Variants in TENM2 observed in about 807,000 individuals in gnomAD.
TENM2 encodes teneurin transmembrane protein 2.
Under a neutral mutation model 245.2 loss-of-function variants are expected in TENM2, and 52 were observed. That is an observed-to-expected ratio of 0.21 (90% CI 0.17 to 0.27). TENM2 has a LOEUF of 0.27. Among genes scored for constraint, TENM2 ranks in the 10% least tolerant of loss-of-function variants. The probability of loss-of-function intolerance (pLI) is 1.00; values close to 1 mark genes in which losing one functional copy is unlikely to be tolerated. For synonymous variants in TENM2, 1,363 were observed against 1,438.9 expected (o/e 0.95, Z 1.19); for missense variants, 3,046 against 3,666.8 (o/e 0.83, Z 4.37).
At chr5:167,233,278 A>G in the TENM2 span, among the ~76,000 whole-genome samples, 3 of 152,194 alleles carry the variant, frequency 2.0e-5, no homozygotes, top group Non-Finnish European at 4.4e-5. Context: ...ATGTACTCAA[A>G]CTTTCTTTTA....
chr5:168,242,747 GTTCGAGACC>G (rs1766210247), intron 25 of TENM2, among the ~76,000 whole-genome samples: 1 of 152,200 alleles, frequency 6.6e-6, no homozygotes, highest in Non-Finnish European at 1.5e-5. Context: ...GAGGTCAGGA[GTTCGAGACC>G]AGCCTGGCCA....
chr5:167,865,829 C>A (rs1480338917), intron 2 of TENM2, among the ~76,000 whole-genome samples: 2 of 152,208 alleles, frequency 1.3e-5, no homozygotes, highest in Non-Finnish European at 2.9e-5. Flanking sequence ...TACTTACACA[C>A]TGAGAGAGAC....
Position 167,285,072 on chromosome 5 carries a change from G to A in TENM2, c.226+9G>A, listed in dbSNP as rs1771257492. 1 of 1,543,564 alleles carries A rather than the reference G, an allele frequency of 6.5e-7. No homozygotes were observed. Among genetic ancestry groups the A allele is most frequent in the Admixed American group, 2.0e-5 (1 of 50,974 alleles). On this transcript the variant is annotated intron_variant, in intron 1 of 28. Coordinates refer to ENST00000518659, the Ensembl canonical transcript of TENM2. ...TGAGTTTCCTAGACAAGGTTTGTAGGGTTTCCCCTGCTGATTTGCTCTCAA... is the reference window on the plus strand; with the variant it reads ...TGAGTTTCCTAGACAAGGTTTGTAGAGTTTCCCCTGCTGATTTGCTCTCAA...
chr5:167,742,872 G>A (rs1367601677), intron 2 of TENM2, among the ~76,000 whole-genome samples: 1 of 151,972 alleles, frequency 6.6e-6, no homozygotes, highest in Non-Finnish European at 1.5e-5. Flanking sequence ...GGAGGCTAAG[G>A]CAGAAGCACA....
intron 4 of TENM2, among the ~76,000 whole-genome samples, chr5:167,983,370 A>G (rs1475804332): frequency 6.6e-6 from 1 of 152,198 alleles, no homozygotes; most frequent in Non-Finnish European, 1.5e-5. Flanking sequence ...CACTATTTAA[A>G]TATCAAGAGT....
chr5:168,047,648 G>A, intron 6 of TENM2, 99 bp downstream of exon 8: 1 of 1,408,210 alleles, frequency 7.1e-7, no homozygotes, highest in Non-Finnish European at 9.5e-7. Context: ...TGGAAGGTAT[G>A]CCAAAAGAAA....
intron 2 of TENM2, among the ~76,000 whole-genome samples, chr5:167,536,917 G>T (rs1030990034): frequency 6.6e-6 from 1 of 151,940 alleles, no homozygotes; most frequent in South Asian, 2.1e-4. Context: ...CCAGCTACTT[G>T]GGAGGCTGAG....
At chr5:167,470,830 G>A (rs1290114230) in intron 2 of TENM2, among the ~76,000 whole-genome samples, 1 of 152,164 alleles carries the variant, frequency 6.6e-6, no homozygotes, top group East Asian at 1.9e-4. Flanking sequence ...TCCAGAAACT[G>A]TTCATTCTTT....
chr5:168,108,332 A>C (rs1343809461), intron 9 of TENM2, among the ~76,000 whole-genome samples: 1 of 152,236 alleles, frequency 6.6e-6, no homozygotes, highest in Non-Finnish European at 1.5e-5. Flanking sequence ...GTAGAGTTTG[A>C]ATTTGCTAGG....
the TENM2 span, among the ~76,000 whole-genome samples, chr5:167,246,026 A>T: frequency 1.3e-5 from 2 of 152,028 alleles, no homozygotes; most frequent in South Asian, 4.2e-4. Flanking sequence ...TCCTTTTCCC[A>T]TGGCTACCAG....
chr5:167,813,432 T>A (rs1393440353), intron 2 of TENM2, among the ~76,000 whole-genome samples: 2 of 151,300 alleles, frequency 1.3e-5, no homozygotes, highest in Non-Finnish European at 2.9e-5. Context: ...GGAACTAAGG[T>A]CAGCACTGGA....
intron 5 of TENM2, among the ~76,000 whole-genome samples, chr5:168,005,162 A>G (rs1405760009): frequency 2.0e-5 from 3 of 152,210 alleles, no homozygotes; most frequent in African/African-American, 7.2e-5. Context: ...AGTGATATCC[A>G]TATTGTAGTG....
chr5:167,398,902 T>G (rs558141819), intron 2 of TENM2, among the ~76,000 whole-genome samples: 2 of 152,306 alleles, frequency 1.3e-5, no homozygotes, highest in Admixed American at 1.3e-4. Flanking sequence ...CCATATTTAG[T>G]CAATGTAGAC....
chr5:168,080,361 T>A (rs1352214728), intron 7 of TENM2, among the ~76,000 whole-genome samples: 1 of 152,218 alleles, frequency 6.6e-6, no homozygotes, highest in Admixed American at 6.5e-5. Context: ...ATCAATTTTG[T>A]TGATCTTTTC....
intron 25 of TENM2, among the ~76,000 whole-genome samples, chr5:168,240,282 G>A (rs1227312173): frequency 1.3e-5 from 2 of 152,222 alleles, no homozygotes; most frequent in Admixed American, 1.3e-4. Context: ...CAGCAGGCGT[G>A]GAGCCAGCCG....
chr5:167,464,640 C>T (rs912553156), intron 2 of TENM2, among the ~76,000 whole-genome samples: 3 of 152,024 alleles, frequency 2.0e-5, no homozygotes, highest in African/African-American at 7.2e-5. Flanking sequence ...GCTATAAATG[C>T]ACTCACCTCA....
intron 2 of TENM2, among the ~76,000 whole-genome samples, chr5:167,398,991 C>T (rs1467266560): frequency 6.6e-6 from 1 of 152,102 alleles, no homozygotes; most frequent in Non-Finnish European, 1.5e-5. Flanking sequence ...CCTTGGCTGT[C>T]AGGTCCTTGG....
At chr5:167,321,891 A>T (rs964149026) in intron 1 of TENM2, among the ~76,000 whole-genome samples, 13 of 143,164 alleles carry the variant, frequency 9.1e-5, no homozygotes, top group Non-Finnish European at 1.8e-4. Context: ...TCTCGGTTGC[A>T]GATCTCGGCT....
At chr5:167,721,468 CT>C (rs1759625526) in intron 2 of TENM2, 2 of 152,186 alleles carry the variant, frequency 1.3e-5, no homozygotes, top group Non-Finnish European at 2.9e-5. Flanking sequence ...GGTTTCGTCT[CT>C]TTCTGGAGCA....
Sources: allele counts gnomAD v4.1 joint callset (sites outside exome capture counted in the v4.1 genomes callset), GRCh38; gene constraint gnomAD v4.1.1; transcripts MANE v1.5; gene names NCBI Gene and HGNC (gene_info 2026-07-23, HGNC 2026-07-21).